TTC7B: variants seen among roughly 807,000 people sequenced by gnomAD.
The protein encoded by TTC7B is tetratricopeptide repeat domain 7B.
TTC7B carries 28 observed loss-of-function variants against 106.8 expected under a neutral mutation model. That is an observed-to-expected ratio of 0.26 (90% CI 0.19 to 0.36). The LOEUF is 0.36. TTC7B is among the 10% of genes least tolerant of loss of function. The pLI is 1.00. For synonymous variants in TTC7B, 405 were observed against 430.6 expected, an observed-to-expected ratio of 0.94 and a Z score of 0.74; for missense variants, 862 against 1,076.4, an observed-to-expected ratio of 0.80 and a Z score of 2.79.
chr14:90,615,020 G>A (rs1179758008), intron 16 of TTC7B, among the ~76,000 whole-genome samples: 1 of 152,182 alleles, frequency 6.6e-6, no homozygotes, highest in Non-Finnish European at 1.5e-5. Context: ...TGCAGACCGA[G>A]AGAAATAGAA....
Position 90,655,055 on chromosome 14 carries a change from G to A in TTC7B, c.1397C>T (p.Ser466Leu). Residue 466 changes from serine (S) to leucine (L), a missense_variant, in exon 12 of 20, where the codon TCA (serine) becomes TTA (leucine). Coordinates refer to ENST00000328459, the MANE Select transcript of TTC7B (RefSeq NM_001010854.2). ...TAAGTAGCCTTTGGCCTTGAACTCT[G>A]ACGTTTTCTCTCCCACATCAACGAC... ...KTVVDVGEKT[S>L]EFKAKGYLAL... The A allele has an allele frequency of 6.2e-7, 1 of 1,614,202 alleles. No homozygotes were observed. The highest frequency in any genetic ancestry group is 8.5e-7 in the Non-Finnish European group (1 of 1,180,034).
chr14:90,709,828 C>T (rs1323187542), intron 5 of TTC7B, among the ~76,000 whole-genome samples: 1 of 151,128 alleles, frequency 6.6e-6, no homozygotes, highest in African/African-American at 2.4e-5. Flanking sequence ...TTGACATCAA[C>T]CCTTATTTAT....
chr14:90,801,346 A>T (rs148345632), intron 1 of TTC7B, among the ~76,000 whole-genome samples: 41 of 152,220 alleles, frequency 2.7e-4, no homozygotes, highest in African/African-American at 9.1e-4. Context: ...CTGACACTTG[A>T]ACTTCGCCCA....
chr14:90,736,708 G>A (rs1426935901), intron 4 of TTC7B, among the ~76,000 whole-genome samples: 1 of 151,814 alleles, frequency 6.6e-6, no homozygotes, highest in African/African-American at 2.4e-5. Context: ...AACAAAGTGA[G>A]AACCTGTCTA....
At chr14:90,602,453 G>A (rs1166376675) in intron 17 of TTC7B, among the ~76,000 whole-genome samples, 2 of 152,228 alleles carry the variant, frequency 1.3e-5, no homozygotes, top group African/African-American at 2.4e-5. Flanking sequence ...TGTAATCCCA[G>A]CATTTTGGGA....
intron 5 of TTC7B, among the ~76,000 whole-genome samples, chr14:90,706,931 AC>A (rs1888235463): frequency 6.6e-6 from 1 of 152,254 alleles, no homozygotes; most frequent in Non-Finnish European, 1.5e-5. Context: ...GCATATACAT[AC>A]ACACACATAC....
rs562600206 is a variant in TTC7B at position 90,600,717 on chromosome 14, G to C, written c.1967-7091C>G. On this transcript the variant is annotated intron_variant, in intron 17 of 19. Transcript: ENST00000328459. This position sits in a 1 kb window ranked among gnomAD's most constrained non-coding sequence, Gnocchi z 4.3. ...GGCTAGCGCAGCATGCTGCTGGTGG[G>C]TGCTGGCAGGGCCAGGTGGTCACAC... Among the ~76,000 whole-genome samples the C allele has an allele frequency of 2.0e-5, 3 of 152,216 alleles. No individual in the cohort carries two copies. Among genetic ancestry groups the C allele is most frequent in the Non-Finnish European group, 4.4e-5 (3 of 68,042 alleles).
chr14:90,686,593 A>G (rs1887260232), intron 7 of TTC7B, among the ~76,000 whole-genome samples: 1 of 152,232 alleles, frequency 6.6e-6, no homozygotes, highest in Non-Finnish European at 1.5e-5. Context: ...AAGGAATCCA[A>G]AAAAACTATT....
At chr14:90,610,906 C>G in intron 16 of TTC7B, 67 bp from the exon 17 acceptor site, 1 of 1,035,172 alleles carries the variant, frequency 9.7e-7, no homozygotes, top group Non-Finnish European at 1.5e-6. Context: ...GAGAGGCAAC[C>G]AATACTGACT....
chr14:90,762,777 C>T (rs984884237), intron 3 of TTC7B, among the ~76,000 whole-genome samples: 3 of 152,210 alleles, frequency 2.0e-5, no homozygotes, highest in Non-Finnish European at 4.4e-5. Context: ...ACTTTTGGAT[C>T]AGGGCTGTTT....
At chr14:90,699,641 A>G (rs181919765) in intron 5 of TTC7B, among the ~76,000 whole-genome samples, 1 of 152,352 alleles carries the variant, frequency 6.6e-6, no homozygotes, top group East Asian at 1.9e-4. Flanking sequence ...TGAGAATCTT[A>G]TAACTAAAGA....
intron 5 of TTC7B, among the ~76,000 whole-genome samples, chr14:90,719,178 A>G (rs1888784130): frequency 6.6e-6 from 1 of 152,118 alleles, no homozygotes; most frequent in Admixed American, 6.5e-5. Context: ...TGAGGTTGAC[A>G]TGGGAGGATT....
intron 1 of TTC7B, among the ~76,000 whole-genome samples, chr14:90,801,132 A>G (rs8004968): frequency 0.095 from 14,347 of 150,534 alleles, 818 homozygotes; most frequent in African/African-American, 0.15. Context: ...GGCTGAGGCA[A>G]GAGGATCGCT....
chr14:90,740,260 G>T (rs1889703492), intron 4 of TTC7B, among the ~76,000 whole-genome samples: 1 of 152,146 alleles, frequency 6.6e-6, no homozygotes, highest in Admixed American at 6.5e-5. Flanking sequence ...ACATGCTGCT[G>T]CTCTCAGCAA....
At chr14:90,722,690 T>C (rs889194653) in intron 5 of TTC7B, among the ~76,000 whole-genome samples, 2 of 152,242 alleles carry the variant, frequency 1.3e-5, no homozygotes, top group African/African-American at 4.8e-5. Flanking sequence ...CCAAGTTTGT[T>C]CAGGGTCACA....
chr14:90,599,160 A>G (rs1892331580), intron 17 of TTC7B, among the ~76,000 whole-genome samples: 1 of 151,676 alleles, frequency 6.6e-6, no homozygotes, highest in Non-Finnish European at 1.5e-5. Flanking sequence ...AAAAGAGAAG[A>G]AAAAGACAAA....
Position 90,663,490 on chromosome 14 carries a change from A to G in TTC7B, c.1153-5103T>C, listed in dbSNP as rs1411001959. Among the ~76,000 whole-genome samples the G allele has an allele frequency of 2.0e-5, 3 of 151,906 alleles. No homozygotes were observed. Among genetic ancestry groups the G allele is most frequent in the Admixed American group, 2.0e-4 (3 of 15,238 alleles). ...CTAATGGGGACCCTTGCTTGAGGCT[A>G]CTAAGGACTGAGACCTTTCCAGCTA... On this transcript the variant is annotated intron_variant, in intron 9 of 19. Transcript: ENST00000328459. The surrounding 1 kb of genome is among the most constrained non-coding windows in gnomAD (Gnocchi z 4.5).
chr14:90,709,440 A>G (rs1426691084), intron 5 of TTC7B, among the ~76,000 whole-genome samples: 1 of 150,208 alleles, frequency 6.7e-6, no homozygotes, highest in African/African-American at 2.5e-5. Context: ...ACAAGGACAA[A>G]AAACCAAACA....
chr14:90,804,481 G>A lies in TTC7B; in HGVS notation c.121+11694C>T, dbSNP rs115612456. Among the ~76,000 whole-genome samples the A allele has an allele frequency of 5.8e-3, 884 of 152,330 alleles. 5 individuals are homozygous for A. The highest frequency in any genetic ancestry group is 0.02 in the African/African-American group (846 of 41,566). On this transcript the variant is annotated intron_variant, in intron 1 of 19. Transcript: ENST00000328459. ...GAGTGTCCAGAGCAAATGAGATCTG[G>A]GCCGGGCCTGAGGGACTTCTCCAAG...
Sources: allele counts gnomAD v4.1 joint callset (sites outside exome capture counted in the v4.1 genomes callset), GRCh38; gene constraint gnomAD v4.1.1; non-coding constraint Gnocchi (gnomAD v3.1); transcripts MANE v1.5; gene names NCBI Gene and HGNC (gene_info 2026-07-23, HGNC 2026-07-21).